The following ZFPM1 variants were observed in gnomAD, a reference collection of about 807,000 sequenced individuals.
The protein encoded by ZFPM1 is zinc finger protein ZFPM1.
ZFPM1 carries 28 observed loss-of-function variants against 46.3 expected under a neutral mutation model. The ratio of observed to expected loss-of-function variants is 0.60; its 90% CI spans 0.45 to 0.83. The LOEUF is 0.83. Among genes scored for constraint, ZFPM1 ranks in the 40% least tolerant of loss-of-function variants. The pLI is 0.00. For synonymous variants in ZFPM1, 957 were observed against 675.9 expected (o/e 1.42, Z -6.45); for missense variants, 1,878 against 1,432.4 (o/e 1.31, Z -5.02).
chr16:88,481,697 GC>G (rs1253625825), intron 1 of ZFPM1, among the ~76,000 whole-genome samples: 1 of 151,440 alleles, frequency 6.6e-6, no homozygotes, highest in Non-Finnish European at 1.5e-5. Context: ...TTTCCTGACC[GC>G]CCCTACCTGC....
intron 5 of ZFPM1, 146 bp from the exon 6 acceptor site, chr16:88,527,886 C>T (rs1436215030): frequency 7.9e-6 from 6 of 758,352 alleles, no homozygotes; most frequent in Non-Finnish European, 1.2e-5. Context: ...AGCCTTGCCC[C>T]CCAGGCAGGA....
intron 3 of ZFPM1, among the ~76,000 whole-genome samples, chr16:88,500,305 G>C (rs999240611): frequency 2.0e-4 from 30 of 152,250 alleles, no homozygotes; most frequent in African/African-American, 7.2e-4. Flanking sequence ...GACACAGCCA[G>C]CTCCCCCCAT....
chr16:88,472,074 C>T (rs951583243), intron 1 of ZFPM1, among the ~76,000 whole-genome samples: 50 of 152,328 alleles, frequency 3.3e-4, no homozygotes, highest in African/African-American at 1.1e-3. Flanking sequence ...CAGCTGGGCT[C>T]CCACCACCCA....
At chr16:88,526,967 AC>A in intron 5 of ZFPM1, 51 bp downstream of exon 5, 1 of 1,526,872 alleles carries the variant, frequency 6.5e-7, no homozygotes, top group Non-Finnish European at 8.8e-7. Flanking sequence ...GGTGGGGGTC[AC>A]TTGGCTCCCC....
chr16:88,496,294 G>T (rs1567538931), intron 3 of ZFPM1, among the ~76,000 whole-genome samples: 1 of 152,162 alleles, frequency 6.6e-6, no homozygotes, highest in Non-Finnish European at 1.5e-5. Context: ...GAGAGCACAG[G>T]GCTGGGGGTT....
Position 88,488,587 on chromosome 16 carries a change from G to A in ZFPM1, c.146-444G>A, listed in dbSNP as rs952927219. On this transcript the variant is annotated intron_variant, in intron 2 of 9. Coordinates refer to ENST00000319555, the MANE Select transcript of ZFPM1 (RefSeq NM_153813.3). ...GACACGTGACGTCATGGGGTGGGGG[G>A]GCTTTATGGGATCGCATCGATCGGG... Among the ~76,000 whole-genome samples, 7 of 152,244 alleles carry A rather than the reference G, an allele frequency of 4.6e-5. No individual in the cohort carries two copies. In the South Asian group the frequency reaches 1.0e-3, roughly 23 times the overall value.
At position 88,533,124 on chromosome 16, in the gene ZFPM1, G is replaced by A. The variant is rs779400411; in HGVS notation, c.1190-24G>A. The A allele has an allele frequency of 6.1e-6, 9 of 1,469,614 alleles. No homozygotes were observed. The South Asian group carries it at 8.4e-5, about 14-fold the overall frequency. The allele number at this position is 1,469,614 out of a possible 1,614,324, so 91.0% of individuals were successfully genotyped here. ...CCAGGTCCTGCCCCAGGCCTGAGGT[G>A]CCACCCCTGCGATCTCTCTGCAGAC... On this transcript the variant is annotated intron_variant, in intron 9 of 9. Transcript: ENST00000319555.
At chr16:88,500,065 C>T (rs888106008) in intron 3 of ZFPM1, among the ~76,000 whole-genome samples, 2 of 152,224 alleles carry the variant, frequency 1.3e-5, no homozygotes, top group Non-Finnish European at 2.9e-5. Flanking sequence ...CAGCCTATCT[C>T]GGCCGCAGGC....
intron 1 of ZFPM1, among the ~76,000 whole-genome samples, chr16:88,483,366 AC>A (rs1909050619): frequency 1.3e-5 from 2 of 151,328 alleles, no homozygotes; most frequent in African/African-American, 4.9e-5. Context: ...CACGGCCAGG[AC>A]CCTGCCTGCC....
chr16:88,487,731 T>C (rs1047942593), intron 2 of ZFPM1, among the ~76,000 whole-genome samples: 10 of 152,238 alleles, frequency 6.6e-5, no homozygotes, highest in Non-Finnish European at 5.9e-5. Context: ...CATCTGCACA[T>C]GCCCAGCCTG....
rs1334667086 is a variant in ZFPM1, at chr16:88,533,392, C to T, written c.1434C>T (p.Pro478=). ...CGGAGGCGGCCCCCATCCTGGGCCC[C>T]GGAGAGCCTGGGCCCCAGGCCCCGT... ...EEPEAAPILG[P]GEPGPQAPSR... Residue 478 remains proline (P), a synonymous_variant, in exon 10 of 10, where the codon CCC becomes CCT. Coordinates refer to ENST00000319555, the MANE Select transcript of ZFPM1 (RefSeq NM_153813.3). 19 of 1,519,984 alleles carry T rather than the reference C, an allele frequency of 1.3e-5. No homozygotes were observed. The highest frequency in any genetic ancestry group is 1.7e-5 in the Non-Finnish European group (19 of 1,140,532). 94.2% of individuals were successfully genotyped at this position (1,519,984 alleles called of 1,614,324 possible).
At chr16:88,477,220 G>A (rs1388143372) in intron 1 of ZFPM1, among the ~76,000 whole-genome samples, 4 of 152,252 alleles carry the variant, frequency 2.6e-5, no homozygotes, top group Non-Finnish European at 4.4e-5. Flanking sequence ...GAGCAGCCAC[G>A]TGGGCTGGGC....
Position 88,471,946 on chromosome 16 carries a change from C to T in ZFPM1, c.41-13993C>T, listed in dbSNP as rs921749129. On this transcript the variant is annotated intron_variant, in intron 1 of 9. Transcript: ENST00000319555. The surrounding 1 kb of genome is among the most constrained non-coding windows in gnomAD (Gnocchi z 4.1). ...AGCCTTGGGTGGGCCGGGGCAGGGGCCGTGTGGTCTGCAGGGAGTGGAGCC... is the reference window on the plus strand; with the variant it reads ...AGCCTTGGGTGGGCCGGGGCAGGGGTCGTGTGGTCTGCAGGGAGTGGAGCC... Among the ~76,000 whole-genome samples, 7 of 152,230 alleles carry T rather than the reference C, an allele frequency of 4.6e-5. No homozygotes were observed. Among genetic ancestry groups the T allele is most frequent in the Admixed American group, 4.6e-4 (7 of 15,290 alleles).
intron 4 of ZFPM1, among the ~76,000 whole-genome samples, chr16:88,518,248 G>T (rs1911485554): frequency 6.6e-6 from 1 of 152,188 alleles, no homozygotes; most frequent in Admixed American, 6.5e-5. Flanking sequence ...ATAGGTGGAT[G>T]GGTGGGTGAG....
intron 1 of ZFPM1, among the ~76,000 whole-genome samples, chr16:88,476,146 G>C (rs1908672382): frequency 6.6e-6 from 1 of 152,084 alleles, no homozygotes; most frequent in Non-Finnish European, 1.5e-5. Context: ...GGCCAACCAG[G>C]TGGGACTCAG....
chr16:88,475,266 C>T (rs1482613049), intron 1 of ZFPM1, among the ~76,000 whole-genome samples: 1 of 152,192 alleles, frequency 6.6e-6, no homozygotes, highest in Non-Finnish European at 1.5e-5. Flanking sequence ...TGGCAGGGCC[C>T]AGGCCCTGGG....
chr16:88,534,120 CG>C lies in ZFPM1; in HGVS notation c.2165del (p.Gly722AspfsTer76). On this transcript the variant is annotated frameshift_variant, in exon 10 of 10. Coordinates refer to ENST00000319555, the MANE Select transcript of ZFPM1 (RefSeq NM_153813.3). LOFTEE classifies it low-confidence loss of function (END_TRUNC). Reference protein sequence around the residue: ...DPPPRRPAAPPGPPGPAAPPA... With the variant: ...DPPPRRPAAPXGPPGPAAPPA... The stretch of plus-strand genomic sequence containing the variant: ...CCGCCGCGCCGACCGGCCGCGCCCC[CG>C]GGACCCCCTGGGCCGGCCGCGCCCC... 1 of 1,114,714 alleles carries C rather than the reference CG, an allele frequency of 9.0e-7. No homozygotes were observed. 69.1% of individuals were successfully genotyped at this position (1,114,714 alleles called of 1,614,324 possible). A position where few individuals can be genotyped will look rare whatever the true frequency, so the allele number is the denominator to read the frequency against.
chr16:88,481,632 C>T (rs1450328573), intron 1 of ZFPM1, among the ~76,000 whole-genome samples: 5 of 152,040 alleles, frequency 3.3e-5, no homozygotes, highest in South Asian at 2.1e-4. Flanking sequence ...CAGCCGTCAC[C>T]GAGTCCCCGT....
chr16:88,489,383 T>G (rs1909427186), intron 3 of ZFPM1: 1 of 563,672 alleles, frequency 1.8e-6, no homozygotes, highest in Admixed American at 3.8e-5. Flanking sequence ...AAGGAAGCGC[T>G]GGGGGGTTCC....
Sources: allele counts gnomAD v4.1 joint callset (sites outside exome capture counted in the v4.1 genomes callset), GRCh38; gene constraint gnomAD v4.1.1; non-coding constraint Gnocchi (gnomAD v3.1); transcripts MANE v1.5; gene names NCBI Gene and HGNC (gene_info 2026-07-23, HGNC 2026-07-21).